ARHGAP22: variants seen among roughly 807,000 people sequenced by gnomAD.
ARHGAP22 encodes Rho GTPase activating protein 22.
ARHGAP22 carries 48 observed loss-of-function variants against 59.1 expected under a neutral mutation model. The observed-to-expected ratio is 0.81, with a 90% CI of 0.64 to 1.03. The LOEUF (loss-of-function observed/expected upper bound fraction) is 1.03, where lower values mean the gene tolerates loss of function less well. Among genes scored for constraint, ARHGAP22 ranks in the 50% least tolerant of loss-of-function variants. The pLI is 0.00. For missense variants in ARHGAP22, 1,015 were observed against 958.7 expected (o/e 1.06, Z -0.78); for synonymous variants, 445 against 416.4 (o/e 1.07, Z -0.84).
intron 1 of ARHGAP22, among the ~76,000 whole-genome samples, chr10:48,583,612 G>A (rs1220723019): frequency 6.6e-6 from 1 of 152,170 alleles, no homozygotes; most frequent in Non-Finnish European, 1.5e-5. Context: ...ACAAAGTAGT[G>A]AAATAAAAAA....
chr10:48,462,441 G>A (rs2047237103), intron 4 of ARHGAP22, among the ~76,000 whole-genome samples: 1 of 152,204 alleles, frequency 6.6e-6, no homozygotes, highest in African/African-American at 2.4e-5. Flanking sequence ...TTTGTAGGAT[G>A]TTTGAACGGA....
intron 1 of ARHGAP22, among the ~76,000 whole-genome samples, chr10:48,619,418 C>T (rs1027450500): frequency 2.0e-5 from 3 of 152,144 alleles, no homozygotes; most frequent in Non-Finnish European, 4.4e-5. Flanking sequence ...AAGCTGGAGG[C>T]ATCACACTAC....
intron 3 of ARHGAP22, among the ~76,000 whole-genome samples, chr10:48,531,511 G>A (rs1401193678): frequency 1.3e-5 from 2 of 152,202 alleles, no homozygotes; most frequent in Non-Finnish European, 2.9e-5. Flanking sequence ...CTGAAACATA[G>A]GAAGTGATGC....
intron 2 of ARHGAP22, among the ~76,000 whole-genome samples, chr10:48,567,261 C>G (rs1345993980): frequency 1.3e-5 from 2 of 152,224 alleles, no homozygotes; most frequent in African/African-American, 4.8e-5. Flanking sequence ...TGGTCCTCAC[C>G]CAGTGGCCTT....
At chr10:48,587,088 C>T (rs1207003359) in intron 1 of ARHGAP22, among the ~76,000 whole-genome samples, 1 of 152,236 alleles carries the variant, frequency 6.6e-6, no homozygotes, top group African/African-American at 2.4e-5. Flanking sequence ...AGAAACCACC[C>T]TGCCCAGATA....
Position 48,604,872 on chromosome 10 carries a change from T to C in ARHGAP22, c.-76A>G, listed in dbSNP as rs17010948. 0.31 allele frequency: 492,129 copies of C among 1,609,370 alleles called. 76,257 individuals are homozygous for C. The highest frequency in any genetic ancestry group is 0.32 in the African/African-American group (24,256 of 74,836). On this transcript the variant is annotated 5_prime_UTR_variant, in exon 1 of 10. The change abolishes the stop of an existing upstream ORF in the 5' untranslated region. Coordinates refer to ENST00000249601, the MANE Select transcript of ARHGAP22 (RefSeq NM_021226.4). ...ACTTGCTTTTGCTCGTCCTCGCGCC[T>C]AGTCGCCCCTCATGTCCTGCTCGTT...
chr10:48,512,480 T>C (rs2052879642), intron 3 of ARHGAP22, among the ~76,000 whole-genome samples: 1 of 152,272 alleles, frequency 6.6e-6, no homozygotes. Context: ...AATGTTTATG[T>C]GTTAAAAATG....
downstream of ARHGAP22, chr10:48,444,343 C>T (rs2045273555): frequency 6.6e-6 from 1 of 152,252 alleles, no homozygotes; most frequent in Non-Finnish European, 1.5e-5. Flanking sequence ...ACAGGTCAGC[C>T]TCTGTCACTC....
intron 5 of ARHGAP22, among the ~76,000 whole-genome samples, chr10:48,458,363 T>G (rs529156511): frequency 1.0e-3 from 157 of 151,846 alleles, no homozygotes; most frequent in African/African-American, 3.6e-3. Context: ...TCAAGGGGGC[T>G]TCAGCAGGCA....
At chr10:48,614,791 CA>C (rs765954620) in intron 1 of ARHGAP22, among the ~76,000 whole-genome samples, 4 of 152,184 alleles carry the variant, frequency 2.6e-5, no homozygotes, top group Admixed American at 6.5e-5. Context: ...GCCCTGGTGA[CA>C]GTATCATTAC....
intron 1 of ARHGAP22, among the ~76,000 whole-genome samples, chr10:48,594,936 A>T (rs1165005107): frequency 7.3e-6 from 1 of 137,348 alleles, no homozygotes; most frequent in Non-Finnish European, 1.5e-5. Context: ...AGATTACTGC[A>T]TGTGAATCCT....
chr10:48,598,774 G>A (rs2060218086), intron 1 of ARHGAP22, among the ~76,000 whole-genome samples: 1 of 152,172 alleles, frequency 6.6e-6, no homozygotes, highest in Non-Finnish European at 1.5e-5. Flanking sequence ...CTGCATTGCA[G>A]CCACCACAGG....
At chr10:48,569,777 T>C (rs190728389) in intron 2 of ARHGAP22, among the ~76,000 whole-genome samples, 86 of 152,360 alleles carry the variant, frequency 5.6e-4, no homozygotes, top group African/African-American at 1.9e-3. Context: ...ATCCGTCTTG[T>C]AGGCAGTATA....
intron 3 of ARHGAP22, among the ~76,000 whole-genome samples, chr10:48,548,516 G>C (rs914836565): frequency 6.6e-6 from 1 of 152,202 alleles, no homozygotes; most frequent in African/African-American, 2.4e-5. Context: ...AAGCTTAACG[G>C]ATGACCTAAT....
chr10:48,453,204 G>T lies in ARHGAP22; in HGVS notation c.988+100C>A. ...GCCACCTGAGCCACCCCTCCTGCTGGCCTGGCCCTGGGCTGGGATGGTTCC... is the reference window on the plus strand; with the variant it reads ...GCCACCTGAGCCACCCCTCCTGCTGTCCTGGCCCTGGGCTGGGATGGTTCC... On this transcript the variant is annotated intron_variant, in intron 8 of 9. Transcript: ENST00000249601. The T allele has an allele frequency of 1.9e-6, 3 of 1,549,164 alleles. No individual in the cohort carries two copies. In the South Asian group the frequency reaches 3.5e-5, roughly 18 times the overall value.
chr10:48,620,958 C>T (rs1374531882), intron 1 of ARHGAP22, among the ~76,000 whole-genome samples: 1 of 152,240 alleles, frequency 6.6e-6, no homozygotes, highest in Non-Finnish European at 1.5e-5. Context: ...AACACCATGG[C>T]CTTCACTGTC....
At chr10:48,550,470 T>G (rs1267845210) in intron 3 of ARHGAP22, among the ~76,000 whole-genome samples, 3 of 152,196 alleles carry the variant, frequency 2.0e-5, no homozygotes, top group Non-Finnish European at 4.4e-5. Flanking sequence ...TGCTCCGAGG[T>G]GTAGCCATGC....
intron 3 of ARHGAP22, among the ~76,000 whole-genome samples, chr10:48,484,902 C>T (rs1336164769): frequency 6.6e-6 from 1 of 152,254 alleles, no homozygotes; most frequent in Non-Finnish European, 1.5e-5. Flanking sequence ...TTGATCTCAA[C>T]AAATCAGCCT....
intron 2 of ARHGAP22, among the ~76,000 whole-genome samples, chr10:48,580,252 A>T (rs2059024287): frequency 6.6e-6 from 1 of 152,108 alleles, no homozygotes; most frequent in Non-Finnish European, 1.5e-5. Context: ...CCTCCATTTT[A>T]TTAGTTGCTT....
Sources: gnomAD v4.1 joint callset for allele counts (sites outside exome capture counted in the v4.1 genomes callset) on GRCh38, gnomAD v4.1.1 for gene constraint, MANE v1.5 for transcripts, NCBI Gene and HGNC (gene_info 2026-07-23, HGNC 2026-07-21) for gene names.